ITPKB: variants seen among roughly 807,000 people sequenced by gnomAD.
The protein encoded by ITPKB is inositol-trisphosphate 3-kinase B, also known as IP3 3-kinase B.
In ITPKB, 13 loss-of-function variants were observed where a neutral mutation model predicts 69.4. That is an observed-to-expected ratio of 0.19 (90% CI 0.12 to 0.30). ITPKB has a LOEUF of 0.30. Among genes scored for constraint, ITPKB ranks in the 10% least tolerant of loss-of-function variants. ITPKB has a pLI of 1.00. For synonymous variants in ITPKB, 584 were observed against 513.7 expected, an observed-to-expected ratio of 1.14 and a Z score of -1.85; for missense variants, 1,240 against 1,250.5, an observed-to-expected ratio of 0.99 and a Z score of 0.13.
intron 2 of ITPKB, among the ~76,000 whole-genome samples, chr1:226,705,708 G>A (rs1656784161): frequency 6.6e-6 from 1 of 152,180 alleles, no homozygotes; most frequent in Non-Finnish European, 1.5e-5. Flanking sequence ...CGGGAGGCTA[G>A]GCTGGCCTCC....
At chr1:226,699,136 C>T (rs1398319745) in intron 2 of ITPKB, among the ~76,000 whole-genome samples, 3 of 152,252 alleles carry the variant, frequency 2.0e-5, no homozygotes, top group African/African-American at 7.2e-5. Context: ...ATCAGGCCAA[C>T]TGAGAAAAGT....
intron 2 of ITPKB, among the ~76,000 whole-genome samples, chr1:226,667,827 T>C (rs1394713416): frequency 3.1e-5 from 1 of 32,236 alleles, no homozygotes; most frequent in Non-Finnish European, 6.3e-5. Flanking sequence ...ATGAGGAAAA[T>C]GTGTGTGTGT....
At chr1:226,643,061 C>T (rs1185309427) in intron 4 of ITPKB, among the ~76,000 whole-genome samples, 2 of 152,202 alleles carry the variant, frequency 1.3e-5, no homozygotes, top group Non-Finnish European at 2.9e-5. Flanking sequence ...CATAGGTGAG[C>T]CCCCAGTCCA....
rs190997379 is a variant in ITPKB, at chr1:226,707,479, G to C, written c.1932+28048C>G. The C allele has an allele frequency of 8.3e-6, 8 of 961,998 alleles. No individual in the cohort carries two copies. The African/African-American group carries it at 1.1e-4, about 13-fold the overall frequency. The allele number at this position is 961,998 out of a possible 1,614,324, so 59.6% of individuals were successfully genotyped here. A position where few individuals can be genotyped will look rare whatever the true frequency, so the allele number is the denominator to read the frequency against. ...CCTAAAGTGCTGGGATTACAGATGT[G>C]AGCCACTGCGCCTGGCCAATAAAGT... On this transcript the variant is annotated intron_variant, in intron 2 of 7. Coordinates refer to ENST00000429204, the MANE Select transcript of ITPKB (RefSeq NM_002221.4).
chr1:226,721,340 C>A, intron 2 of ITPKB, among the ~76,000 whole-genome samples: 1 of 84,748 alleles, frequency 1.2e-5, no homozygotes, highest in Admixed American at 1.5e-4. Flanking sequence ...AAGAACAAAA[C>A]TCTGTCTCAA....
Position 226,735,570 on chromosome 1 carries a change from T to G in ITPKB, c.1889A>C (p.Asn630Thr). The change falls in exon 2 of 8, where the codon AAC becomes ACC. Residue 630 changes from asparagine to threonine, a missense_variant. Around this residue, in one of 2 missense-constraint regions of ITPKB, gnomAD observed 992 missense variants for 853.8 expected, o/e 1.16. Transcript: ENST00000429204. Reference protein sequence around the residue: ...SSDPERTLDPNSAFLHTLDQQ... With the variant: ...SSDPERTLDPTSAFLHTLDQQ... The stretch of plus-strand genomic sequence containing the variant: ...GTCCAGGGTATGCAGGAAGGCTGAG[T>G]TGGGGTCCAGGGTGCGCTCAGGGTC... 6.4e-7 allele frequency: 1 copy of G among 1,560,402 alleles called. No individual in the cohort carries two copies. The highest frequency in any genetic ancestry group is 8.7e-7 in the Non-Finnish European group (1 of 1,153,500).
At chr1:226,677,162 G>A (rs1669749400) in intron 2 of ITPKB, among the ~76,000 whole-genome samples, 1 of 152,224 alleles carries the variant, frequency 6.6e-6, no homozygotes, top group African/African-American at 2.4e-5. Flanking sequence ...AGGGACAGCA[G>A]GAGTTTCCAG....
chr1:226,634,377 A>C lies in ITPKB; in HGVS notation c.*294T>G, dbSNP rs1279534917. On this transcript the variant is annotated 3_prime_UTR_variant, in exon 8 of 8. Coordinates refer to ENST00000429204, the MANE Select transcript of ITPKB (RefSeq NM_002221.4). This position sits in a 1 kb window ranked among gnomAD's most constrained non-coding sequence, Gnocchi z 6.3. ...CTCCCAGAGGCAGGGCTCATCTGGT[A>C]GGGTCCCCTCAGCAGCCAGGGACCC... is the stretch of plus-strand genomic sequence containing the variant. 7 of 391,828 alleles carry C rather than the reference A, an allele frequency of 1.8e-5. No homozygotes were observed. The highest frequency in any genetic ancestry group is 3.3e-5 in the Non-Finnish European group (7 of 213,828). 24.3% of individuals were successfully genotyped at this position (391,828 alleles called of 1,614,324 possible). A position where few individuals can be genotyped will look rare whatever the true frequency, so the allele number is the denominator to read the frequency against.
chr1:226,735,266 T>C (rs944915171), intron 2 of ITPKB, among the ~76,000 whole-genome samples: 2 of 152,210 alleles, frequency 1.3e-5, no homozygotes, highest in African/African-American at 4.8e-5. Flanking sequence ...CTACATGAAA[T>C]ACTTTTAAAA....
chr1:226,651,347 G>T (rs1430078910), intron 2 of ITPKB, among the ~76,000 whole-genome samples: 3 of 152,326 alleles, frequency 2.0e-5, no homozygotes, highest in Non-Finnish European at 4.4e-5. Flanking sequence ...CTCAATGACT[G>T]ACCTTGAACA....
chr1:226,711,279 T>C (rs939240238), intron 2 of ITPKB, among the ~76,000 whole-genome samples: 8 of 152,220 alleles, frequency 5.3e-5, no homozygotes, highest in African/African-American at 1.9e-4. Flanking sequence ...TCCTTCCTAC[T>C]CCACCTCCCC....
chr1:226,632,757 T>A lies in ITPKB; in HGVS notation c.*1914A>T, dbSNP rs1017175947. 1 of 152,684 alleles carries A rather than the reference T, an allele frequency of 6.5e-6. No homozygotes were observed. Among genetic ancestry groups the A allele is most frequent in the Non-Finnish European group, 1.5e-5 (1 of 68,040 alleles). The allele number at this position is 152,684 out of a possible 1,614,324, so 9.5% of individuals were successfully genotyped here. On this transcript the variant is annotated 3_prime_UTR_variant, in exon 8 of 8. Transcript: ENST00000429204. Reference sequence around the variant, plus strand: ...TAAACAGGTCCCCTGTAATTTTTGTTCATATCATGATTTGCTTTAGCAAAC... The same window carrying A: ...TAAACAGGTCCCCTGTAATTTTTGTACATATCATGATTTGCTTTAGCAAAC...
chr1:226,649,845 C>A (rs75707288), intron 2 of ITPKB, among the ~76,000 whole-genome samples: 3 of 150,200 alleles, frequency 2.0e-5, no homozygotes. Context: ...CAAAACAAAA[C>A]AAAAAAACAA....
intron 2 of ITPKB, among the ~76,000 whole-genome samples, chr1:226,721,221 G>A (rs1180674971): frequency 6.6e-6 from 1 of 150,618 alleles, no homozygotes; most frequent in Non-Finnish European, 1.5e-5. Context: ...GGTGGCACAT[G>A]CCTGTAATCC....
chr1:226,737,299 C>A lies in ITPKB; in HGVS notation c.160G>T (p.Ala54Ser), dbSNP rs1174220903. The A allele has an allele frequency of 6.4e-7, 1 of 1,567,616 alleles. No homozygotes were observed. ...PGSVFSPGRGASFLFPPAESL... is the reference protein window; with the variant it reads ...PGSVFSPGRGSSFLFPPAESL... The stretch of plus-strand genomic sequence containing the variant: ...TCGGCTGGGGGGAAGAGGAAAGAGG[C>A]GCCTCTCCCGGGGCTGAAAACGCTG... The change falls in exon 2 of 8, where the codon GCC (alanine) becomes TCC (serine). Residue 54 changes from alanine to serine, a missense_variant. This residue lies in a region of ITPKB where 992 missense variants were observed against 853.8 expected (regional missense o/e 1.16). Coordinates refer to ENST00000429204, the MANE Select transcript of ITPKB (RefSeq NM_002221.4).
At chr1:226,717,172 A>T (rs1657117436) in intron 2 of ITPKB, among the ~76,000 whole-genome samples, 1 of 152,102 alleles carries the variant, frequency 6.6e-6, no homozygotes, top group Non-Finnish European at 1.5e-5. Flanking sequence ...CAGGTACTCA[A>T]ACTAGTAGCA....
intron 3 of ITPKB, 34 bp from the exon 4 acceptor site, chr1:226,647,414 G>A (rs767046138): frequency 3.3e-5 from 50 of 1,535,162 alleles, no homozygotes; most frequent in East Asian, 9.3e-5. Flanking sequence ...CCTGGTCTCC[G>A]GCTGCAGGTA....
At chr1:226,694,943 G>A (rs1656441381) in intron 2 of ITPKB, among the ~76,000 whole-genome samples, 1 of 152,248 alleles carries the variant, frequency 6.6e-6, no homozygotes, top group Admixed American at 6.5e-5. Flanking sequence ...CAAAAAGCTG[G>A]AAGGTATTGG....
chr1:226,662,125 AC>A (rs1005906886), intron 2 of ITPKB, among the ~76,000 whole-genome samples: 1 of 151,112 alleles, frequency 6.6e-6, no homozygotes, highest in Non-Finnish European at 1.5e-5. Flanking sequence ...CCCCACCCAA[AC>A]CTCCCCCAGG....
Sources: gnomAD v4.1 joint callset for allele counts (sites outside exome capture counted in the v4.1 genomes callset) on GRCh38, gnomAD v4.1.1 for gene constraint, gnomAD v4.1.1 regional missense constraint, Gnocchi (gnomAD v3.1) non-coding constraint, MANE v1.5 for transcripts, NCBI Gene and HGNC (gene_info 2026-07-23, HGNC 2026-07-21) for gene names.